Variants in KLHL2 observed in about 807,000 individuals in gnomAD.
KLHL2 encodes the protein kelch like family member 2.
KLHL2 carries 15 observed loss-of-function variants against 75.8 expected under a neutral mutation model. That is an observed-to-expected ratio of 0.20 (90% CI 0.13 to 0.30). KLHL2 has a LOEUF of 0.30. Ranked by LOEUF, KLHL2 falls within the 10% of genes least tolerant of loss-of-function variation. The pLI is 1.00. For synonymous variants in KLHL2, 214 were observed against 251.9 expected (o/e 0.85, Z 1.42); for missense variants, 381 against 741.0 (o/e 0.51, Z 5.64).
At chr4:165,262,078 A>G (rs1447232109) in intron 4 of KLHL2, among the ~76,000 whole-genome samples, 1 of 151,968 alleles carries the variant, frequency 6.6e-6, no homozygotes, top group African/African-American at 2.4e-5. Flanking sequence ...ATGGTCCTTT[A>G]TATAACACTG....
At chr4:165,321,241 C>T (rs1049844311) in intron 14 of KLHL2, 1 of 455,600 alleles carries the variant, frequency 2.2e-6, no homozygotes, top group South Asian at 1.6e-5. Flanking sequence ...CCTTCCACCT[C>T]CTCCACCTCT....
At chr4:165,310,179 G>A (rs1454353251) in intron 9 of KLHL2, among the ~76,000 whole-genome samples, 1 of 152,106 alleles carries the variant, frequency 6.6e-6, no homozygotes, top group Non-Finnish European at 1.5e-5. Flanking sequence ...CAAAAAATTA[G>A]TTGGGTGTGG....
At chr4:165,263,110 T>G (rs1193840442) in intron 4 of KLHL2, 87 bp from the exon 5 acceptor site, 6 of 1,212,188 alleles carry the variant, frequency 4.9e-6, no homozygotes, top group Non-Finnish European at 7.1e-6. Context: ...AAACTATGGC[T>G]GAACATCTTG....
chr4:165,270,709 G>A (rs767746086), intron 5 of KLHL2, among the ~76,000 whole-genome samples: 32 of 152,156 alleles, frequency 2.1e-4, no homozygotes, highest in Non-Finnish European at 4.0e-4. Flanking sequence ...TCCCAGAGGG[G>A]CACCCACCTG....
rs770642847 is a variant in KLHL2 at position 165,314,051 on chromosome 4, G to A, written c.1494G>A (p.Leu498=). ...GTGTTGGTGTGTTAAACAATTTATT[G>A]TATGCTGTAGGAGGTCATGATGGCC... ...GAGVGVLNNL[L]YAVGGHDGPL... is the part of the protein sequence containing the mutation. Residue 498 remains leucine, a synonymous_variant, in exon 13 of 15, where the codon TTG becomes TTA. Coordinates refer to ENST00000226725, the MANE Select transcript of KLHL2 (RefSeq NM_007246.4). 1.2e-6 allele frequency: 2 copies of A among 1,613,128 alleles called. No homozygotes were observed. The highest frequency in any genetic ancestry group is 8.5e-7 in the Non-Finnish European group (1 of 1,179,528).
At chr4:165,280,918 TA>T (rs778682946) in intron 5 of KLHL2, among the ~76,000 whole-genome samples, 3 of 152,246 alleles carry the variant, frequency 2.0e-5, no homozygotes, top group Non-Finnish European at 2.9e-5. Context: ...CACAGAGTAT[TA>T]ATGTTATAGG....
intron 4 of KLHL2, among the ~76,000 whole-genome samples, chr4:165,244,454 TTGG>T (rs1156827442): frequency 6.6e-6 from 1 of 152,186 alleles, no homozygotes; most frequent in African/African-American, 2.4e-5. Flanking sequence ...AAAGTAGATT[TTGG>T]TGAAGAGTGC....
At chr4:165,299,482 G>A (rs1432548945) in intron 7 of KLHL2, 25 bp from the exon 8 acceptor site, 1 of 1,586,186 alleles carries the variant, frequency 6.3e-7, no homozygotes, top group Admixed American at 1.8e-5. Flanking sequence ...TACCCTCAGT[G>A]GGTGTGTCTG....
rs535976226 is a variant in KLHL2 at position 165,255,682 on chromosome 4, C to T, written c.382-7515C>T. 1.1e-4 allele frequency among the ~76,000 whole-genome samples: 17 copies of T among 152,236 alleles called. No individual in the cohort carries two copies. In the South Asian group the frequency reaches 3.5e-3, roughly 32 times the overall value. On this transcript the variant is annotated intron_variant, in intron 4 of 14. Transcript: ENST00000226725. Reference sequence around the variant, plus strand: ...CTATGTGCATCCAACCATGACTCTCCACCCAGATCTGCCTTTCTTGTCACT... The same window carrying T: ...CTATGTGCATCCAACCATGACTCTCTACCCAGATCTGCCTTTCTTGTCACT...
At chr4:165,261,590 C>A (rs1266914584) in intron 4 of KLHL2, among the ~76,000 whole-genome samples, 1 of 152,180 alleles carries the variant, frequency 6.6e-6, no homozygotes, top group African/African-American at 2.4e-5. Flanking sequence ...CCACCTGCCT[C>A]GGCCTCCTAA....
chr4:165,226,120 GA>G lies in KLHL2; in HGVS notation c.153-2683del, dbSNP rs1214575682. Among the ~76,000 whole-genome samples, 17 of 152,302 alleles carry G rather than the reference GA, an allele frequency of 1.1e-4. No individual in the cohort carries two copies. In the East Asian group the frequency reaches 3.3e-3, roughly 29 times the overall value. On this transcript the variant is annotated intron_variant, in intron 2 of 14. Transcript: ENST00000226725. ...CACTAGGAAGGATTACTGACAAAAG[GA>G]AAATAGGCATAAAGATGCACTTGAC...
intron 13 of KLHL2, among the ~76,000 whole-genome samples, chr4:165,316,198 C>G (rs1251215595): frequency 6.6e-6 from 1 of 152,164 alleles, no homozygotes; most frequent in Non-Finnish European, 1.5e-5. Context: ...ACCAACCTCC[C>G]TTTCTGCAGT....
At chr4:165,311,131 A>G (rs571954897) in intron 10 of KLHL2, among the ~76,000 whole-genome samples, 4 of 152,298 alleles carry the variant, frequency 2.6e-5, no homozygotes, top group African/African-American at 7.2e-5. Flanking sequence ...TGCTGGGATT[A>G]CAACATGTGA....
rs1747062108 is a variant in KLHL2 at position 165,322,571 on chromosome 4, A to G, written c.*511A>G. 1 of 152,896 alleles carries G rather than the reference A, an allele frequency of 6.5e-6. No homozygotes were observed. The highest frequency in any genetic ancestry group is 2.1e-4 in the South Asian group (1 of 4,876). 9.5% of individuals were successfully genotyped at this position (152,896 alleles called of 1,614,324 possible). ...TTTGATTACATGAATATAATAAATT[A>G]TGTGCATATAAATGTGTGTCTATAT... On this transcript the variant is annotated 3_prime_UTR_variant, in exon 15 of 15. Transcript: ENST00000226725.
chr4:165,312,071 G>T (rs538667840), intron 11 of KLHL2, among the ~76,000 whole-genome samples: 61 of 152,218 alleles, frequency 4.0e-4, no homozygotes, highest in African/African-American at 1.4e-3. Flanking sequence ...TCCCTCAAAT[G>T]TGCATTTCAA....
intron 4 of KLHL2, among the ~76,000 whole-genome samples, chr4:165,245,857 A>G (rs1199973343): frequency 6.6e-6 from 1 of 151,870 alleles, no homozygotes; most frequent in African/African-American, 2.4e-5. Context: ...TGTTGAGCTT[A>G]CCTCTTTTTT....
intron 7 of KLHL2, among the ~76,000 whole-genome samples, chr4:165,298,848 A>G (rs1245789926): frequency 6.6e-6 from 1 of 151,914 alleles, no homozygotes; most frequent in Non-Finnish European, 1.5e-5. Flanking sequence ...GAGGGAGGAG[A>G]ATTGCTGGAA....
chr4:165,264,702 G>GTA (rs1439078066), intron 5 of KLHL2, among the ~76,000 whole-genome samples: 1 of 100,212 alleles, frequency 1.0e-5, no homozygotes, highest in African/African-American at 3.9e-5. Flanking sequence ...GTGTGTGTGT[G>GTA]TGTATATATA....
chr4:165,263,805 G>GTTTTTTTTTTTTTTTTTTTTTT (rs55901119), intron 5 of KLHL2, among the ~76,000 whole-genome samples: 3 of 66,482 alleles, frequency 4.5e-5, no homozygotes, highest in African/African-American at 5.8e-5. Flanking sequence ...TTTTTACATT[G>GTTTTTTTTTTTTTTTTTTTTTT]TTTTTTTTTT....
Sources: allele counts gnomAD v4.1 joint callset (sites outside exome capture counted in the v4.1 genomes callset), GRCh38; gene constraint gnomAD v4.1.1; transcripts MANE v1.5; gene names NCBI Gene and HGNC (gene_info 2026-07-23, HGNC 2026-07-21).